The following TLN2 variants were observed in gnomAD, a reference collection of about 807,000 sequenced individuals.
TLN2 encodes talin 2.
TLN2 carries 118 observed loss-of-function variants against 294.7 expected under a neutral mutation model. That is an observed-to-expected ratio of 0.40 (90% CI 0.34 to 0.47). The LOEUF (loss-of-function observed/expected upper bound fraction) is 0.47. Among genes scored for constraint, TLN2 ranks in the 20% least tolerant of loss-of-function variants. The pLI, the probability that TLN2 is intolerant of heterozygous loss-of-function variation, is 0.84. For synonymous variants in TLN2, 1,431 were observed against 1,304.5 expected (o/e 1.10, Z -2.09); for missense variants, 3,083 against 3,282.2 (o/e 0.94, Z 1.48).
chr15:62,654,580 C>T (rs567059086), intron 7 of TLN2, among the ~76,000 whole-genome samples: 279 of 151,558 alleles, frequency 1.8e-3, no homozygotes, highest in African/African-American at 6.3e-3. Flanking sequence ...ACGGTGAAAC[C>T]CTATCTCTGC....
In TLN2 at chr15:62,673,816, C is replaced by G. The variant is rs763883908; in HGVS notation, c.789-11C>G. 4 of 1,607,984 alleles carry G rather than the reference C, an allele frequency of 2.5e-6. No individual in the cohort carries two copies. The highest frequency in any genetic ancestry group is 1.7e-5 in the Admixed American group (1 of 59,326). On this transcript the variant is annotated splice_polypyrimidine_tract_variant and intron_variant, in intron 9 of 58. Transcript: ENST00000636159. ...ATAAATGCCTTTCCTTTTTAAATGT[C>G]TCTCTCTTAGTCTGAAGGAATTCCT...
At chr15:62,672,178 C>A (rs1172990749) in intron 9 of TLN2, among the ~76,000 whole-genome samples, 1 of 152,060 alleles carries the variant, frequency 6.6e-6, no homozygotes, top group East Asian at 1.9e-4. Flanking sequence ...TTTTGGACTT[C>A]TTTTATTTTT....
At position 62,792,798 on chromosome 15, in the gene TLN2, G is replaced by A. The variant is rs754635440; in HGVS notation, c.5883+11G>A. Reference sequence around the variant, plus strand: ...GCCGTCACGGAAAAGGTAAGGAGCAGCCCTCAGTTTAGAGTCACAAGAACC... The same window carrying A: ...GCCGTCACGGAAAAGGTAAGGAGCAACCCTCAGTTTAGAGTCACAAGAACC... On this transcript the variant is annotated intron_variant, in intron 46 of 58. Coordinates refer to ENST00000636159, the MANE Select transcript of TLN2 (RefSeq NM_015059.3). The A allele has an allele frequency of 1.2e-6, 2 of 1,613,610 alleles. No homozygotes were observed. The highest frequency in any genetic ancestry group is 1.7e-5 in the Admixed American group (1 of 59,976).
chr15:62,461,428 G>T (rs1187801017), intron 1 of TLN2, among the ~76,000 whole-genome samples: 2 of 152,158 alleles, frequency 1.3e-5, no homozygotes, highest in Non-Finnish European at 2.9e-5. Context: ...TCTTCTGTAC[G>T]TAGGTATGTA....
chr15:62,409,362 C>G (rs1308383100), intron 1 of TLN2, among the ~76,000 whole-genome samples: 1 of 152,080 alleles, frequency 6.6e-6, no homozygotes, highest in African/African-American at 2.4e-5. Context: ...TTACCAGAAG[C>G]CAGTCACACA....
chr15:62,410,604 A>G (rs556628493), intron 1 of TLN2, among the ~76,000 whole-genome samples: 3 of 152,302 alleles, frequency 2.0e-5, no homozygotes, highest in South Asian at 2.1e-4. Flanking sequence ...TTCTTTGTGC[A>G]TTCTCTCCGT....
At chr15:62,743,645 TC>T (rs2061458199) in intron 32 of TLN2, among the ~76,000 whole-genome samples, 1 of 151,942 alleles carries the variant, frequency 6.6e-6, no homozygotes, top group African/African-American at 2.4e-5. Context: ...TCAGCCTTTT[TC>T]CCCCAACCAG....
chr15:62,704,276 T>A (rs763994543), intron 19 of TLN2, among the ~76,000 whole-genome samples: 19 of 152,140 alleles, frequency 1.2e-4, no homozygotes, highest in Non-Finnish European at 2.2e-4. Flanking sequence ...TACCTGACAC[T>A]TCTAAATACC....
chr15:62,443,896 C>A (rs1179016656), intron 1 of TLN2, among the ~76,000 whole-genome samples: 1 of 152,044 alleles, frequency 6.6e-6, no homozygotes, highest in Non-Finnish European at 1.5e-5. Flanking sequence ...CTACTTGGGA[C>A]GTTGAGGTGG....
At chr15:62,440,633 A>G (rs1301606473) in intron 1 of TLN2, among the ~76,000 whole-genome samples, 4 of 151,936 alleles carry the variant, frequency 2.6e-5, no homozygotes, top group Non-Finnish European at 5.9e-5. Context: ...GTTCTCTTAT[A>G]CCCCTATCCC....
chr15:62,752,788 T>C (rs1340901504), intron 35 of TLN2, among the ~76,000 whole-genome samples: 1 of 152,224 alleles, frequency 6.6e-6, no homozygotes, highest in Non-Finnish European at 1.5e-5. Context: ...AACTGTTATG[T>C]CATGCTCTTT....
intron 54 of TLN2, chr15:62,830,951 AAAG>A (rs1158220490): frequency 6.6e-6 from 1 of 152,168 alleles, no homozygotes. Flanking sequence ...AAAATTCGTC[AAAG>A]AACATTACAA....
chr15:62,657,385 T>A (rs1249304428), intron 8 of TLN2, among the ~76,000 whole-genome samples: 5 of 152,186 alleles, frequency 3.3e-5, no homozygotes, highest in African/African-American at 1.2e-4. Flanking sequence ...GATATTTGAT[T>A]AGCTAGCTTT....
chr15:62,741,748 C>CGCGCGTTTGTGTGTGTGTGTGTGT, intron 32 of TLN2, among the ~76,000 whole-genome samples: 1 of 131,072 alleles, frequency 7.6e-6, no homozygotes, highest in Admixed American at 7.8e-5. Flanking sequence ...AAAATTTGCG[C>CGCGCGTTTGTGTGTGTGTGTGTGT]GTGTGTGTGT....
chr15:62,410,612 CG>C (rs1247530717), intron 1 of TLN2, among the ~76,000 whole-genome samples: 1 of 152,168 alleles, frequency 6.6e-6, no homozygotes, highest in East Asian at 1.9e-4. Context: ...GCATTCTCTC[CG>C]TTAGTGCTTA....
At chr15:62,436,067 G>A (rs560642223) in intron 1 of TLN2, among the ~76,000 whole-genome samples, 15 of 152,180 alleles carry the variant, frequency 9.9e-5, no homozygotes, top group African/African-American at 2.6e-4. Context: ...TCAAACTTAC[G>A]TCACAAACAC....
chr15:62,546,197 C>G (rs2041985708), intron 1 of TLN2, among the ~76,000 whole-genome samples: 1 of 152,166 alleles, frequency 6.6e-6, no homozygotes, highest in African/African-American at 2.4e-5. Flanking sequence ...GGGGCTCTTT[C>G]CTGACCTGTT....
rs576209365 is a variant in TLN2 at position 62,595,514 on chromosome 15, G to A, written c.-162+5752G>A. On this transcript the variant is annotated intron_variant, in intron 2 of 58. Coordinates refer to ENST00000636159, the MANE Select transcript of TLN2 (RefSeq NM_015059.3). ...ACTGGAAAGAATGTAAGTTAATATG[G>A]TCATAATGGAAAACAGATTAGAGAC... Among the ~76,000 whole-genome samples, 249 of 151,944 alleles carry A rather than the reference G, an allele frequency of 1.6e-3. 2 individuals carry two copies. Among genetic ancestry groups the A allele is most frequent in the South Asian group, 7.3e-3 (35 of 4,802 alleles).
intron 1 of TLN2, among the ~76,000 whole-genome samples, chr15:62,584,265 T>C (rs1056417857): frequency 3.9e-5 from 6 of 152,244 alleles, no homozygotes; most frequent in Admixed American, 2.6e-4. Flanking sequence ...ATATTCTGCA[T>C]TGGAGAAACT....
Sources: gnomAD v4.1 joint callset for allele counts (sites outside exome capture counted in the v4.1 genomes callset) on GRCh38, gnomAD v4.1.1 for gene constraint, MANE v1.5 for transcripts, NCBI Gene and HGNC (gene_info 2026-07-23, HGNC 2026-07-21) for gene names.